CCDC14: variants seen among roughly 807,000 people sequenced by gnomAD.
CCDC14 encodes coiled-coil domain containing 14.
In CCDC14, 71 loss-of-function variants were observed where a neutral mutation model predicts 81.4. That is an observed-to-expected ratio of 0.87 (90% confidence interval 0.72 to 1.06). The LOEUF (loss-of-function observed/expected upper bound fraction) is 1.06. Ranked by LOEUF, CCDC14 falls within the 50% of genes least tolerant of loss-of-function variation. The pLI is 0.00. For synonymous variants in CCDC14, 332 were observed against 364.8 expected, an observed-to-expected ratio of 0.91 and a Z score of 1.03; for missense variants, 1,046 against 1,047.3, an observed-to-expected ratio of 1.00 and a Z score of 0.02.
intron 5 of CCDC14, among the ~76,000 whole-genome samples, chr3:123,903,323 C>CAT (rs2034219429): frequency 6.9e-6 from 1 of 143,932 alleles, no homozygotes; most frequent in African/African-American, 2.5e-5. Context: ...CACACACACA[C>CAT]ACACACACAC....
chr3:123,958,173 C>T (rs1295213422), intron 1 of CCDC14: 2 of 152,122 alleles, frequency 1.3e-5, no homozygotes, highest in Non-Finnish European at 1.5e-5. Context: ...CTGCATCACA[C>T]TCTCAGGGTC....
intron 12 of CCDC14, among the ~76,000 whole-genome samples, chr3:123,924,952 TATAC>T (rs2035274431): frequency 7.6e-6 from 1 of 130,930 alleles, no homozygotes; most frequent in South Asian, 2.4e-4. Flanking sequence ...TGTATACATA[TATAC>T]ACACACACAC....
At chr3:123,923,283 C>G (rs2035159872) in intron 12 of CCDC14, among the ~76,000 whole-genome samples, 1 of 151,936 alleles carries the variant, frequency 6.6e-6, no homozygotes, top group African/African-American at 2.4e-5. Flanking sequence ...TGTACCTTAA[C>G]ACAACAAAGG....
chr3:123,920,539 G>A (rs1365418484), intron 12 of CCDC14, among the ~76,000 whole-genome samples: 4 of 152,144 alleles, frequency 2.6e-5, no homozygotes, highest in African/African-American at 9.7e-5. Context: ...CCTCAATATG[G>A]CTAACAGTGG....
At chr3:123,909,600 A>C (rs912293449), downstream of CCDC14, among the ~76,000 whole-genome samples, 1 of 152,256 alleles carries the variant, frequency 6.6e-6, no homozygotes, top group Admixed American at 6.5e-5. Flanking sequence ...TAAGAACTTA[A>C]GTGTCTATTA....
intron 5 of CCDC14, among the ~76,000 whole-genome samples, chr3:123,903,945 T>G (rs544440750): frequency 2.0e-5 from 3 of 152,160 alleles, no homozygotes; most frequent in Non-Finnish European, 2.9e-5. Flanking sequence ...AGGACTGTTG[T>G]GGGCATGATT....
intron 5 of CCDC14, among the ~76,000 whole-genome samples, chr3:123,901,388 T>C (rs1431317288): frequency 6.6e-6 from 1 of 152,166 alleles, no homozygotes; most frequent in East Asian, 1.9e-4. Context: ...AATGATTACA[T>C]TGTAGTTATT....
chr3:123,913,573 T>G lies in CCDC14; in HGVS notation c.*1206A>C. On this transcript the variant is annotated 3_prime_UTR_variant, in exon 13 of 13. Transcript: ENST00000409697. ...ACTCTTGTGTGAAATAGTTTAGAAT[T>G]CACTTAATAAATTTTTAGACTTAAA... 1 of 981,228 alleles carries G rather than the reference T, an allele frequency of 1.0e-6. No homozygotes were observed. 60.8% of individuals were successfully genotyped at this position (981,228 alleles called of 1,614,324 possible). A position where few individuals can be genotyped will look rare whatever the true frequency, so the allele number is the denominator to read the frequency against.
downstream of CCDC14, among the ~76,000 whole-genome samples, chr3:123,896,944 C>T (rs1245723344): frequency 6.6e-6 from 1 of 152,086 alleles, no homozygotes; most frequent in African/African-American, 2.4e-5. Context: ...TGTATTACCT[C>T]CCCATGTACT....
downstream of CCDC14, among the ~76,000 whole-genome samples, chr3:123,894,963 C>T (rs1438972882): frequency 2.0e-5 from 3 of 152,190 alleles, no homozygotes. Context: ...AGAGGATCTG[C>T]ACAAATACCT....
rs1165093546 is a variant in CCDC14 at position 123,931,337 on chromosome 3, T to C, written c.1616A>G (p.Tyr539Cys). The C allele has an allele frequency of 2.0e-6, 3 of 1,518,964 alleles. No individual in the cohort carries two copies. The highest frequency in any genetic ancestry group is 2.8e-5 in the African/African-American group (2 of 72,346). 94.1% of individuals were successfully genotyped at this position (1,518,964 alleles called of 1,614,324 possible). Residue 539 changes from tyrosine to cysteine, a missense_variant, in exon 11 of 13, where the codon TAT (tyrosine) becomes TGT (cysteine). Physicochemically the swap from Tyr to Cys is radical, Grantham distance 194. Transcript: ENST00000409697. ...TTTTATTCTTGTTATCTCAATATCA[T>C]ATTGCTGTTTATTTTCAAGTATAGT... The part of the protein sequence containing the change: ...DQTILENKQQ[Y>C]DIEITRIKIE...
chr3:123,903,283 A>G (rs1048564378), intron 5 of CCDC14, among the ~76,000 whole-genome samples: 1 of 148,326 alleles, frequency 6.7e-6, no homozygotes, highest in Non-Finnish European at 1.5e-5. Context: ...CATAATAAAA[A>G]GTATTATTTT....
In CCDC14 at chr3:123,913,496, G is replaced by C. The variant is rs1463527965; in HGVS notation, c.*1283C>G. The stretch of plus-strand genomic sequence containing the variant: ...GTTGTGGCCTATTACCTCCAAATAA[G>C]ATGCCAATAAATTAATTCATGAATA... On this transcript the variant is annotated 3_prime_UTR_variant, in exon 13 of 13. Coordinates refer to ENST00000409697, the MANE Select transcript of CCDC14 (RefSeq NM_001366335.1). 3 of 980,340 alleles carry C rather than the reference G, an allele frequency of 3.1e-6. No individual in the cohort carries two copies. The African/African-American group carries it at 5.3e-5, about 17-fold the overall frequency. 60.7% of individuals were successfully genotyped at this position (980,340 alleles called of 1,614,324 possible). A position where few individuals can be genotyped will look rare whatever the true frequency, so the allele number is the denominator to read the frequency against.
At chr3:123,890,866 C>T in the CCDC14 span, among the ~76,000 whole-genome samples, 2 of 152,234 alleles carry the variant, frequency 1.3e-5, no homozygotes, top group African/African-American at 4.8e-5. Flanking sequence ...CCTCACATTT[C>T]CCTCCCACAC....
At chr3:123,900,096 A>T (rs1021793381) in intron 5 of CCDC14, among the ~76,000 whole-genome samples, 7 of 152,198 alleles carry the variant, frequency 4.6e-5, no homozygotes, top group African/African-American at 1.7e-4. Flanking sequence ...CAAGCAATAA[A>T]TGGAGAGCTT....
At chr3:123,952,483 T>TA (rs2037074196) in intron 5 of CCDC14, 2 of 368,000 alleles carry the variant, frequency 5.4e-6, no homozygotes, top group Non-Finnish European at 6.2e-6. Flanking sequence ...GTTGCTTATT[T>TA]AAAAAATACA....
chr3:123,942,822 T>G (rs890067219), intron 9 of CCDC14, among the ~76,000 whole-genome samples: 1 of 152,108 alleles, frequency 6.6e-6, no homozygotes, highest in Admixed American at 6.6e-5. Flanking sequence ...ATTGCTAATA[T>G]GTGGGTGATT....
At chr3:123,889,367 G>A in the CCDC14 span, among the ~76,000 whole-genome samples, 7 of 152,116 alleles carry the variant, frequency 4.6e-5, no homozygotes, top group Non-Finnish European at 1.0e-4. Flanking sequence ...AGCCAAGATC[G>A]TGATACTGCA....
chr3:123,911,363 C>T (rs911732977), downstream of CCDC14, among the ~76,000 whole-genome samples: 6 of 152,088 alleles, frequency 3.9e-5, no homozygotes, highest in African/African-American at 1.4e-4. Context: ...ATGCTATAGT[C>T]TTAGAACCCA....
Sources: gnomAD v4.1 joint callset for allele counts (sites outside exome capture counted in the v4.1 genomes callset) on GRCh38, gnomAD v4.1.1 for gene constraint, MANE v1.5 for transcripts, NCBI Gene and HGNC (gene_info 2026-07-23, HGNC 2026-07-21) for gene names.